Variants in NUP50 observed in about 807,000 individuals in gnomAD.
NUP50 encodes nuclear pore complex protein Nup50.
NUP50 carries 14 observed loss-of-function variants against 36.8 expected under a neutral mutation model. The ratio of observed to expected loss-of-function variants is 0.38; its 90% CI spans 0.25 to 0.59. The LOEUF (loss-of-function observed/expected upper bound fraction) is 0.59, where lower values mean the gene tolerates loss of function less well. Ranked by LOEUF, NUP50 falls within the 20% of genes least tolerant of loss-of-function variation. The probability of loss-of-function intolerance (pLI) is 0.63; values close to 1 mark genes in which losing one functional copy is unlikely to be tolerated. For missense variants in NUP50, 455 were observed against 564.6 expected (o/e 0.81, Z 1.97); for synonymous variants, 195 against 210.8 (o/e 0.93, Z 0.65).
intron 3 of NUP50, 65 bp downstream of exon 3, chr22:45,171,748 C>G: frequency 8.0e-7 from 1 of 1,254,506 alleles, no homozygotes. Context: ...CACAGCAATC[C>G]CTCCGCTGGG....
Position 45,184,647 on chromosome 22 carries a change from G to A in NUP50, c.1399G>A (p.Asp467Asn). The A allele has an allele frequency of 6.2e-7, 1 of 1,612,302 alleles. No homozygotes were observed. The highest frequency in any genetic ancestry group is 8.5e-7 in the Non-Finnish European group (1 of 1,179,148). Reference sequence around the variant, plus strand: ...GCACAAAATTTTACTGGAGAAAAAGGATGCCTGAACACGCAAAGTCGGCTG... The same window carrying A: ...GCACAAAATTTTACTGGAGAAAAAGAATGCCTGAACACGCAAAGTCGGCTG... ...ELHKILLEKK[D>N]A The change falls in exon 8 of 8, where the codon GAT (aspartate) becomes AAT (asparagine). Residue 467 changes from aspartate (D) to asparagine (N), a missense_variant. Physicochemically the swap from Asp to Asn is conservative, Grantham distance 23 (BLOSUM62 1). This residue lies in a region of NUP50 where 287 missense variants were observed against 345.5 expected (regional missense o/e 0.83). Transcript: ENST00000347635.
chr22:45,168,254 G>A lies in NUP50; in HGVS notation c.69+8G>A, dbSNP rs772246979. The A allele has an allele frequency of 6.3e-7, 1 of 1,597,982 alleles. No individual in the cohort carries two copies. The highest frequency in any genetic ancestry group is 8.5e-7 in the Non-Finnish European group (1 of 1,172,028). ...GAAGATGAAGCTGAAGAGGTAAAAA[G>A]CAGCTTCCCTAAGAATGATTTCCTG... On this transcript the variant is annotated splice_region_variant and intron_variant, in intron 2 of 7. Coordinates refer to ENST00000347635, the MANE Select transcript of NUP50 (RefSeq NM_007172.4).
intron 2 of NUP50, among the ~76,000 whole-genome samples, chr22:45,168,850 A>T (rs1366759207): frequency 6.6e-6 from 1 of 152,020 alleles, no homozygotes; most frequent in Non-Finnish European, 1.5e-5. Context: ...TTCCCTTATA[A>T]ACAGTAGGAC....
intron 4 of NUP50, 144 bp downstream of exon 4, chr22:45,176,224 G>A (rs1308180483): frequency 3.4e-6 from 3 of 889,380 alleles, no homozygotes; most frequent in Non-Finnish European, 3.4e-6. Flanking sequence ...GGAACTTAGG[G>A]AGGTGTCGGT....
chr22:45,174,358 G>A (rs932860547), intron 3 of NUP50, among the ~76,000 whole-genome samples: 1 of 151,842 alleles, frequency 6.6e-6, no homozygotes, highest in Non-Finnish European at 1.5e-5. Context: ...TTGCATTTTT[G>A]TAGACAGGGG....
intron 3 of NUP50, 195 bp downstream of exon 3, chr22:45,171,878 A>G (rs989148511): frequency 1.9e-6 from 1 of 515,256 alleles, no homozygotes; most frequent in African/African-American, 1.9e-5. Flanking sequence ...CAGTTGAGGA[A>G]ATAAGATAAA....
chr22:45,184,148 C>A, intron 7 of NUP50: 1 of 377,944 alleles, frequency 2.6e-6, no homozygotes, highest in Non-Finnish European at 4.9e-6. Flanking sequence ...TCCTTCAGTG[C>A]AAAGACGGAC....
At chr22:45,183,028 A>G (rs2074403605) in intron 6 of NUP50, among the ~76,000 whole-genome samples, 1 of 127,480 alleles carries the variant, frequency 7.8e-6, no homozygotes, top group African/African-American at 3.0e-5. Context: ...TCTTTAGAGG[A>G]CCAGATCGGC....
chr22:45,165,594 A>G (rs2074083519), intron 1 of NUP50, among the ~76,000 whole-genome samples: 1 of 152,162 alleles, frequency 6.6e-6, no homozygotes, highest in Non-Finnish European at 1.5e-5. Flanking sequence ...CCCCACTTCT[A>G]GCATAAAAGT....
rs140896667 is a variant in NUP50 at position 45,178,941 on chromosome 22, A to C, written c.1003+41A>C. ...GTCGTTGAGTCGAGGTTTGCATAAG[A>C]TTCTTGTTTCTTGGGAAACCCAGAG... On this transcript the variant is annotated intron_variant, in intron 5 of 7. Transcript: ENST00000347635. 1.2e-4 allele frequency: 184 copies of C among 1,550,016 alleles called. 1 individual carries two copies. The East Asian group carries it at 4.1e-3, about 34-fold the overall frequency.
At chr22:45,175,302 C>T (rs992180535) in intron 3 of NUP50, among the ~76,000 whole-genome samples, 4 of 152,078 alleles carry the variant, frequency 2.6e-5, no homozygotes, top group African/African-American at 7.2e-5. Context: ...TTAAAACAAT[C>T]GAGTTTAAGG....
chr22:45,172,401 T>A (rs2074209625), intron 3 of NUP50, among the ~76,000 whole-genome samples: 1 of 152,130 alleles, frequency 6.6e-6, no homozygotes, highest in Non-Finnish European at 1.5e-5. Context: ...TGGGTGTCTC[T>A]AATCTGGAAA....
In NUP50 at chr22:45,185,359, C is replaced by T. The variant is rs1156745514; in HGVS notation, c.*704C>T. On this transcript the variant is annotated 3_prime_UTR_variant, in exon 8 of 8. Coordinates refer to ENST00000347635, the MANE Select transcript of NUP50 (RefSeq NM_007172.4). Reference sequence around the variant, plus strand: ...CATGAGGTAGTGTTACTTCTTTATCCCCCTAAAGACAAAATGAAGATAAAG... The same window carrying T: ...CATGAGGTAGTGTTACTTCTTTATCTCCCTAAAGACAAAATGAAGATAAAG... The T allele has an allele frequency of 1.3e-5, 2 of 152,374 alleles. No individual in the cohort carries two copies. Among genetic ancestry groups the T allele is most frequent in the East Asian group, 1.9e-4 (1 of 5,200 alleles). 9.4% of individuals were successfully genotyped at this position (152,374 alleles called of 1,614,324 possible). A position where few individuals can be genotyped will look rare whatever the true frequency, so the allele number is the denominator to read the frequency against.
At chr22:45,169,635 G>T (rs2074153657) in intron 2 of NUP50, among the ~76,000 whole-genome samples, 1 of 152,220 alleles carries the variant, frequency 6.6e-6, no homozygotes, top group African/African-American at 2.4e-5. Flanking sequence ...TACAGGGTCA[G>T]GTGCTGAAGG....
At chr22:45,181,263 A>C in intron 5 of NUP50, 23 bp from the exon 6 acceptor site, 1 of 1,548,536 alleles carries the variant, frequency 6.5e-7, no homozygotes. Flanking sequence ...AATCTTACTG[A>C]ATTATTGTCA....
At chr22:45,181,986 C>G (rs2074380760) in intron 6 of NUP50, among the ~76,000 whole-genome samples, 1 of 152,178 alleles carries the variant, frequency 6.6e-6, no homozygotes, top group African/African-American at 2.4e-5. Flanking sequence ...GAATAATGAG[C>G]CAGCAGTTTT....
intron 5 of NUP50, 155 bp downstream of exon 5, chr22:45,179,055 G>A (rs538532492): frequency 7.8e-6 from 5 of 638,132 alleles, no homozygotes; most frequent in Non-Finnish European, 1.3e-5. Flanking sequence ...GCTTCTCTGA[G>A]TTTCAGATTC....
rs2083463553 is a variant in NUP50 at position 45,187,644 on chromosome 22, T to A, written c.*2989T>A. The A allele has an allele frequency of 6.6e-6, 1 of 152,180 alleles. No homozygotes were observed. The highest frequency in any genetic ancestry group is 2.1e-4 in the South Asian group (1 of 4,832). The allele number at this position is 152,180 out of a possible 1,614,324, so 9.4% of individuals were successfully genotyped here. On this transcript the variant is annotated 3_prime_UTR_variant, in exon 8 of 8. Coordinates refer to ENST00000347635, the MANE Select transcript of NUP50 (RefSeq NM_007172.4). ...TGCAAACTCCTAAACCCCTGATGAG[T>A]CCTCTCATTCTGGAAGTGGGAATTT...
Position 45,178,909 on chromosome 22 carries a change from C to G in NUP50, c.1003+9C>G. 1 of 1,595,352 alleles carries G rather than the reference C, an allele frequency of 6.3e-7. No individual in the cohort carries two copies. The highest frequency in any genetic ancestry group is 8.5e-7 in the Non-Finnish European group (1 of 1,171,358). On this transcript the variant is annotated intron_variant, in intron 5 of 7. Transcript: ENST00000347635. ...CAGTGGTGAATGCAAAGGTAAGTAC[C>G]AGCTTTGTCGTTGAGTCGAGGTTTG...
Sources: allele counts gnomAD v4.1 joint callset (sites outside exome capture counted in the v4.1 genomes callset), GRCh38; gene constraint gnomAD v4.1.1; regional missense constraint gnomAD v4.1.1; transcripts MANE v1.5; gene names NCBI Gene and HGNC (gene_info 2026-07-23, HGNC 2026-07-21).